Variants in STAB2 observed in about 807,000 individuals in gnomAD.
STAB2 encodes the protein stabilin-2.
Under a neutral mutation model 338.1 loss-of-function variants are expected in STAB2, and 288 were observed. The observed-to-expected ratio is 0.85, with a 90% CI of 0.77 to 0.94. The LOEUF is 0.94. Among genes scored for constraint, STAB2 ranks in the 40% least tolerant of loss-of-function variants. STAB2 has a pLI of 0.00. For missense variants in STAB2, 3,141 were observed against 3,210.1 expected (o/e 0.98, Z 0.52); for synonymous variants, 1,202 against 1,193.3 (o/e 1.01, Z -0.15).
intron 46 of STAB2, among the ~76,000 whole-genome samples, chr12:103,727,064 G>C (rs1036342491): frequency 6.6e-6 from 1 of 152,110 alleles, no homozygotes; most frequent in Non-Finnish European, 1.5e-5. Flanking sequence ...TACAATAAAC[G>C]TGTTAATTTT....
rs1161151925 is a variant in STAB2, at chr12:103,648,699, C to T, written c.1050C>T (p.Cys350=). The part of the protein sequence containing the change: ...TVAPGRTECI[C]QKGYVGDGLT... ...TTCCCCCTCTCTGTAGATGCATTTG[C>T]CAGAAAGGTTACGTGGGTGATGGCT... Residue 350 remains cysteine, a synonymous_variant, in exon 10 of 69, where the codon TGC becomes TGT. Transcript: ENST00000388887. 6.2e-7 allele frequency: 1 copy of T among 1,613,564 alleles called. No homozygotes were observed.
chr12:103,731,512 CT>C, intron 49 of STAB2, 63 bp from the exon 50 acceptor site: 1 of 1,563,500 alleles, frequency 6.4e-7, no homozygotes, highest in South Asian at 1.2e-5. Flanking sequence ...CACTTGAGCT[CT>C]TGTTAAATTC....
At chr12:103,741,193 CATTGGCT>C (rs1882556314) in intron 55 of STAB2, among the ~76,000 whole-genome samples, 1 of 152,276 alleles carries the variant, frequency 6.6e-6, no homozygotes, top group African/African-American at 2.4e-5. Context: ...GGATGTATAG[CATTGGCT>C]CCCTCTGTTA....
intron 44 of STAB2, among the ~76,000 whole-genome samples, chr12:103,723,047 T>G (rs1381039587): frequency 1.3e-5 from 2 of 152,186 alleles, no homozygotes; most frequent in East Asian, 3.8e-4. Context: ...CCCAAACAAG[T>G]GGTGAAGCTC....
At chr12:103,615,277 AAATG>A (rs1327324605) in intron 3 of STAB2, among the ~76,000 whole-genome samples, 1 of 152,230 alleles carries the variant, frequency 6.6e-6, no homozygotes, top group Non-Finnish European at 1.5e-5. Flanking sequence ...GTGATGAAAA[AAATG>A]AGAAGAAAGC....
chr12:103,664,600 C>G (rs1299829396), intron 18 of STAB2, among the ~76,000 whole-genome samples: 1 of 152,172 alleles, frequency 6.6e-6, no homozygotes, highest in Non-Finnish European at 1.5e-5. Context: ...ATTGCTCTGA[C>G]AATATCCTTG....
At chr12:103,605,464 A>G (rs1957013589) in intron 3 of STAB2, among the ~76,000 whole-genome samples, 1 of 151,926 alleles carries the variant, frequency 6.6e-6, no homozygotes, top group Non-Finnish European at 1.5e-5. Flanking sequence ...AGTCTTTTCT[A>G]TACTTAATAA....
At chr12:103,678,009 AG>A (rs778411371) in intron 25 of STAB2, among the ~76,000 whole-genome samples, 23 of 152,104 alleles carry the variant, frequency 1.5e-4, no homozygotes, top group Non-Finnish European at 2.6e-4. Flanking sequence ...AAAATTAAGG[AG>A]CTCCAGGGGA....
chr12:103,669,495 T>A, intron 20 of STAB2, 46 bp from the exon 21 acceptor site: 1 of 1,464,268 alleles, frequency 6.8e-7, no homozygotes, highest in Non-Finnish European at 9.6e-7. Context: ...GAGGAATTGG[T>A]GCTCTACTTG....
At chr12:103,745,983 G>A (rs1392434513) in intron 57 of STAB2, among the ~76,000 whole-genome samples, 3 of 152,178 alleles carry the variant, frequency 2.0e-5, no homozygotes, top group African/African-American at 7.2e-5. Flanking sequence ...GTGAATGACT[G>A]TCATTTAATC....
At position 103,715,849 on chromosome 12, in the gene STAB2, T is replaced by G. The variant is rs1435093838; in HGVS notation, c.4572T>G (p.Cys1524Trp). The G allele has an allele frequency of 6.2e-7, 1 of 1,614,090 alleles. No homozygotes were observed. Among genetic ancestry groups the G allele is most frequent in the Middle Eastern group, 1.6e-4 (1 of 6,062 alleles). Residue 1524 changes from cysteine to tryptophan, a missense_variant, in exon 43 of 69, where the codon TGT becomes TGG. Physicochemically the swap from Cys to Trp is radical, Grantham distance 215. Transcript: ENST00000388887. ...CGTGTTTGGAGAACCATGGTGGCTG[T>G]GACAAGAATGCGGAGTGCACACAGA... ...INPCLENHGG[C>W]DKNAECTQTG... is the part of the protein sequence containing the mutation.
Position 103,660,374 on chromosome 12 carries a change from C to T in STAB2, c.1778C>T (p.Pro593Leu). ...GAACTCGTCAGATACCACATTGTCCCATTTACCCAGGTTGGCCCCACTTTT... is the reference window on the plus strand; with the variant it reads ...GAACTCGTCAGATACCACATTGTCCTATTTACCCAGGTTGGCCCCACTTTT... ...LLELVRYHIV[P>L]FTQLEVATLI... is the part of the protein sequence containing the mutation. The change falls in exon 16 of 69, where the codon CCA (proline) becomes CTA (leucine). Residue 593 changes from proline to leucine, a missense_variant. By Grantham distance (98) the Pro-to-Leu change is moderately conservative. Coordinates refer to ENST00000388887, the MANE Select transcript of STAB2 (RefSeq NM_017564.10). The T allele has an allele frequency of 6.2e-7, 1 of 1,614,160 alleles. No homozygotes were observed. The highest frequency in any genetic ancestry group is 8.5e-7 in the Non-Finnish European group (1 of 1,180,034).
chr12:103,670,940 TA>T lies in STAB2; in HGVS notation c.2371+135del, dbSNP rs113010381. On this transcript the variant is annotated intron_variant, in intron 22 of 68. Transcript: ENST00000388887. Reference sequence around the variant, plus strand: ...TACACCATCATCACAGAGCATTCATTAAGCTTTGGTTCTCAAACTGGAGCGT... The same window carrying T: ...TACACCATCATCACAGAGCATTCATTAGCTTTGGTTCTCAAACTGGAGCGT... The T allele has an allele frequency of 4.5e-3, 3,192 of 702,950 alleles. 66 individuals are homozygous for T. The African/African-American group carries it at 0.049, about 11-fold the overall frequency. 43.5% of individuals were successfully genotyped at this position (702,950 alleles called of 1,614,324 possible). A position where few individuals can be genotyped will look rare whatever the true frequency, so the allele number is the denominator to read the frequency against.
chr12:103,687,461 A>G (rs1448741036), intron 27 of STAB2, among the ~76,000 whole-genome samples: 1 of 152,100 alleles, frequency 6.6e-6, no homozygotes, highest in Non-Finnish European at 1.5e-5. Flanking sequence ...TTTCCCTTCA[A>G]TATCTTACAT....
chr12:103,628,128 T>C (rs1038302133), intron 5 of STAB2, among the ~76,000 whole-genome samples: 3 of 152,192 alleles, frequency 2.0e-5, no homozygotes, highest in Non-Finnish European at 4.4e-5. Context: ...GATATCAAAG[T>C]GCTTGGCTAA....
chr12:103,682,270 A>G (rs1409570787), intron 25 of STAB2, among the ~76,000 whole-genome samples: 1 of 152,004 alleles, frequency 6.6e-6, no homozygotes, highest in Non-Finnish European at 1.5e-5. Context: ...GTGTGTCCAC[A>G]TCCATCCTCG....
chr12:103,607,131 T>A (rs550969383), intron 3 of STAB2, among the ~76,000 whole-genome samples: 6 of 152,360 alleles, frequency 3.9e-5, no homozygotes, highest in Admixed American at 3.9e-4. Flanking sequence ...TTTATTATAG[T>A]GTGTAGTTTT....
intron 28 of STAB2, among the ~76,000 whole-genome samples, 178 bp from the exon 29 acceptor site, chr12:103,689,668 A>G (rs1429714913): frequency 6.6e-6 from 1 of 152,194 alleles, no homozygotes; most frequent in African/African-American, 2.4e-5. Flanking sequence ...ACATTGAATT[A>G]AGTGAGTCTC....
intron 22 of STAB2, among the ~76,000 whole-genome samples, chr12:103,672,496 T>G (rs928790092): frequency 2.0e-5 from 3 of 152,290 alleles, no homozygotes; most frequent in South Asian, 4.1e-4. Context: ...TTCCCTAAAA[T>G]TGTATAACAA....
Sources: allele counts gnomAD v4.1 joint callset (sites outside exome capture counted in the v4.1 genomes callset), GRCh38; gene constraint gnomAD v4.1.1; transcripts MANE v1.5; gene names NCBI Gene and HGNC (gene_info 2026-07-23, HGNC 2026-07-21).